Variants in SEMA6B observed in about 807,000 individuals in gnomAD.
The protein encoded by SEMA6B is semaphorin-6B.
Under a neutral mutation model 78.6 loss-of-function variants are expected in SEMA6B, and 47 were observed. The ratio of observed to expected loss-of-function variants is 0.60; its 90% CI spans 0.47 to 0.76. The LOEUF (loss-of-function observed/expected upper bound fraction) is 0.76. Ranked by LOEUF, SEMA6B falls within the 30% of genes least tolerant of loss-of-function variation. SEMA6B has a pLI of 0.00. For missense variants in SEMA6B, 1,213 were observed against 1,269.9 expected (o/e 0.96, Z 0.68); for synonymous variants, 632 against 592.2 (o/e 1.07, Z -0.98).
chr19:4,556,240 G>A (rs1977466785), intron 5 of SEMA6B, 151 bp from the exon 6 acceptor site: 2 of 639,832 alleles, frequency 3.1e-6, no homozygotes, highest in African/African-American at 1.8e-5. Flanking sequence ...TGGGGACACG[G>A]TGCGACCCAG....
At chr19:4,559,489 C>G (rs1012322093) in intron 1 of SEMA6B, 41 bp downstream of exon 1, 1 of 152,172 alleles carries the variant, frequency 6.6e-6, no homozygotes, top group Non-Finnish European at 1.5e-5. Context: ...TCTGAACCCC[C>G]GCCCTCCATG....
intron 16 of SEMA6B, among the ~76,000 whole-genome samples, chr19:4,545,340 C>T (rs868100206): frequency 8.8e-6 from 1 of 113,964 alleles, no homozygotes. Context: ...GACTCTGTCT[C>T]AAAAAAAAAA....
chr19:4,558,338 G>C lies in SEMA6B; in HGVS notation c.120C>G (p.Asp40Glu). ...GCCCAAAGACACCCCCAGACTCACA[G>C]TCCCTGGGGGCCACGCTAAGCGGCG... ...EPPPLSVAPR[D>E]YLNHYPVFVG... Residue 40 changes from aspartate to glutamate, a missense_variant and splice_region_variant, in exon 2 of 17, where the codon GAC becomes GAG. Asp to Glu is a conservative substitution (Grantham distance 45, BLOSUM62 2). Transcript: ENST00000586582. This position sits in a 1 kb window ranked among gnomAD's most constrained non-coding sequence, Gnocchi z 5.1. 5 of 1,315,230 alleles carry C rather than the reference G, an allele frequency of 3.8e-6. No homozygotes were observed. The highest frequency in any genetic ancestry group is 4.9e-6 in the Non-Finnish European group (5 of 1,022,976). The allele number at this position is 1,315,230 out of a possible 1,614,324, so 81.5% of individuals were successfully genotyped here.
chr19:4,555,971 GGAGTCT>G lies in SEMA6B; in HGVS notation c.471+11_471+16del. ...CCTGGAGGTTGGACCTGGGGCGCAG[GGAGTCT>G]GAAGACTCACGCTGTAGTTGGCGCA... On this transcript the variant is annotated intron_variant, in intron 6 of 16. Coordinates refer to ENST00000586582, the MANE Select transcript of SEMA6B (RefSeq NM_032108.4). This position sits in a 1 kb window ranked among gnomAD's most constrained non-coding sequence, Gnocchi z 6.1. The G allele has an allele frequency of 6.3e-7, 1 of 1,594,222 alleles. No individual in the cohort carries two copies. The highest frequency in any genetic ancestry group is 8.6e-7 in the Non-Finnish European group (1 of 1,162,038).
In SEMA6B at chr19:4,558,451, T is replaced by C. The variant is rs1977535441; in HGVS notation, c.7A>G (p.Thr3Ala). 2 of 1,246,460 alleles carry C rather than the reference T, an allele frequency of 1.6e-6. No individual in the cohort carries two copies. The highest frequency in any genetic ancestry group is 1.6e-5 in the African/African-American group (1 of 64,510). The allele number at this position is 1,246,460 out of a possible 1,614,324, so 77.2% of individuals were successfully genotyped here. Reference protein sequence around the residue: MQTPRASPPRPAL... With the variant: MQAPRASPPRPAL... ...GGGCGGGGAGGGGACGCTCGCGGGG[T>C]CTGCATGGCGAGGGCCAGGCGACAG... The change falls in exon 2 of 17, where the codon ACC becomes GCC. Residue 3 changes from threonine to alanine, a missense_variant. Coordinates refer to ENST00000586582, the MANE Select transcript of SEMA6B (RefSeq NM_032108.4). The surrounding 1 kb of genome is among the most constrained non-coding windows in gnomAD (Gnocchi z 5.1).
At position 4,555,551 on chromosome 19, in the gene SEMA6B, T is replaced by G; in HGVS notation, c.485A>C (p.Gln162Pro). ...VCANYSIDTL[Q>P]PVGDNISGMA... Reference sequence around the variant, plus strand: ...ACCGCTGATGTTGTCTCCGACGGGCTGCAGGGTGTCTATCTGCAGGGACCA... The same window carrying G: ...ACCGCTGATGTTGTCTCCGACGGGCGGCAGGGTGTCTATCTGCAGGGACCA... Residue 162 changes from glutamine (Q) to proline (P), a missense_variant, in exon 7 of 17, where the codon CAG becomes CCG. By Grantham distance (76) the Gln-to-Pro change is moderately conservative (BLOSUM62 -1). Transcript: ENST00000586582. This position sits in a 1 kb window ranked among gnomAD's most constrained non-coding sequence, Gnocchi z 6.1. 1 of 1,613,578 alleles carries G rather than the reference T, an allele frequency of 6.2e-7. No individual in the cohort carries two copies. Among genetic ancestry groups the G allele is most frequent in the Non-Finnish European group, 8.5e-7 (1 of 1,179,850 alleles).
chr19:4,550,253 G>A lies in SEMA6B; in HGVS notation c.1141C>T (p.Pro381Ser), dbSNP rs778651609. The A allele has an allele frequency of 3.1e-6, 5 of 1,613,460 alleles. No homozygotes were observed. The highest frequency in any genetic ancestry group is 1.7e-5 in the Admixed American group (1 of 59,992). The change falls in exon 12 of 17, where the codon CCC becomes TCC. Residue 381 changes from proline (P) to serine (S), a missense_variant. By Grantham distance (74) the Pro-to-Ser change is moderately conservative. Transcript: ENST00000586582. This position sits in a 1 kb window ranked among gnomAD's most constrained non-coding sequence, Gnocchi z 6.6. ...PRPRPGCCAA[P>S]GMQYNASSAL... ...CTGGAGGCATTGTACTGCATCCCGG[G>A]GGCTGCGCAGCACCCGGGCCTGGGG...
chr19:4,543,007 T>G lies in SEMA6B; in HGVS notation c.*594A>C. 1 of 693,638 alleles carries G rather than the reference T, an allele frequency of 1.4e-6. No individual in the cohort carries two copies. Among genetic ancestry groups the G allele is most frequent in the Non-Finnish European group, 2.6e-6 (1 of 379,692 alleles). 43.0% of individuals were successfully genotyped at this position (693,638 alleles called of 1,614,324 possible). Reference sequence around the variant, plus strand: ...GCCCAGGCCGCTGGGGCCACCACGATCGTCGCTCGTGGACACACACCCTGC... The same window carrying G: ...GCCCAGGCCGCTGGGGCCACCACGAGCGTCGCTCGTGGACACACACCCTGC... On this transcript the variant is annotated 3_prime_UTR_variant, in exon 17 of 17. Transcript: ENST00000586582.
At position 4,543,746 on chromosome 19, in the gene SEMA6B, G is replaced by C; in HGVS notation, c.2522C>G (p.Ala841Gly). The change falls in exon 17 of 17, where the codon GCC (alanine) becomes GGC (glycine). Residue 841 changes from alanine to glycine, a missense_variant. Coordinates refer to ENST00000586582, the MANE Select transcript of SEMA6B (RefSeq NM_032108.4). ...GAACGTGTGGGTGCGGCGCAGGGTGGCGGCCGGAGGGGCGTGGGGGCCCAG... is the reference window on the plus strand; with the variant it reads ...GAACGTGTGGGTGCGGCGCAGGGTGCCGGCCGGAGGGGCGTGGGGGCCCAG... ...RPLGPHAPPA[A>G]TLRRTHTFNS... is the part of the protein sequence containing the mutation. The C allele has an allele frequency of 8.2e-7, 1 of 1,226,994 alleles. No individual in the cohort carries two copies. The highest frequency in any genetic ancestry group is 3.2e-5 in the East Asian group (1 of 31,376). 76.0% of individuals were successfully genotyped at this position (1,226,994 alleles called of 1,614,324 possible). A position where few individuals can be genotyped will look rare whatever the true frequency, so the allele number is the denominator to read the frequency against.
chr19:4,550,521 G>A lies in SEMA6B; in HGVS notation c.1122-249C>T, dbSNP rs375943050. On this transcript the variant is annotated intron_variant, in intron 11 of 16. Transcript: ENST00000586582. The surrounding 1 kb of genome is among the most constrained non-coding windows in gnomAD (Gnocchi z 6.6). ...TGGGATTACAGGCACGTGCCATCAC[G>A]CCCGGCTAATTTTTGTATTTTTAGT... 1.6e-4 allele frequency among the ~76,000 whole-genome samples: 24 copies of A among 152,118 alleles called. No homozygotes were observed. The East Asian group carries it at 3.3e-3, about 21-fold the overall frequency.
In SEMA6B at chr19:4,544,726, C is replaced by G. The variant is rs1977122521; in HGVS notation, c.1739-197G>C. Among the ~76,000 whole-genome samples the G allele has an allele frequency of 6.6e-6, 1 of 152,098 alleles. No individual in the cohort carries two copies. The highest frequency in any genetic ancestry group is 2.1e-4 in the South Asian group (1 of 4,828). On this transcript the variant is annotated intron_variant, in intron 16 of 16. Transcript: ENST00000586582. This position sits in a 1 kb window ranked among gnomAD's most constrained non-coding sequence, Gnocchi z 5.1. ...TCTCGATTCACTGCAACCTCCGCCT[C>G]CCATGTTCAAGTGATTCTCCTGCCT...
rs948770651 is a variant in SEMA6B, at chr19:4,550,019, C to T, written c.1271+104G>A. 34 of 1,112,514 alleles carry T rather than the reference C, an allele frequency of 3.1e-5. No individual in the cohort carries two copies. The highest frequency in any genetic ancestry group is 8.9e-5 in the South Asian group (6 of 67,766). 68.9% of individuals were successfully genotyped at this position (1,112,514 alleles called of 1,614,324 possible). A position where few individuals can be genotyped will look rare whatever the true frequency, so the allele number is the denominator to read the frequency against. On this transcript the variant is annotated intron_variant, in intron 12 of 16. Coordinates refer to ENST00000586582, the MANE Select transcript of SEMA6B (RefSeq NM_032108.4). This position sits in a 1 kb window ranked among gnomAD's most constrained non-coding sequence, Gnocchi z 6.6. ...TCTGTGTCTCCAGCTCTCTGGGCAG[C>T]GCCGGAAGCCATGGGCTCATCTGTG...
rs559597277 is a variant in SEMA6B, at chr19:4,550,442, C to T, written c.1122-170G>A. On this transcript the variant is annotated intron_variant, in intron 11 of 16. Transcript: ENST00000586582. This position sits in a 1 kb window ranked among gnomAD's most constrained non-coding sequence, Gnocchi z 6.6. Reference sequence around the variant, plus strand: ...CAGGCTGGAGTGCTTTGGCTCACTGCAACCTCCACCTCCTGGGTTCAAGCG... The same window carrying T: ...CAGGCTGGAGTGCTTTGGCTCACTGTAACCTCCACCTCCTGGGTTCAAGCG... Among the ~76,000 whole-genome samples, 40 of 152,052 alleles carry T rather than the reference C, an allele frequency of 2.6e-4. No individual in the cohort carries two copies. The highest frequency in any genetic ancestry group is 1.6e-3 in the Admixed American group (25 of 15,268).
intron 3 of SEMA6B, 31 bp from the exon 4 acceptor site, chr19:4,557,254 G>T (rs747079270): frequency 3.3e-6 from 5 of 1,529,020 alleles, no homozygotes; most frequent in East Asian, 4.5e-5. Context: ...GTGAGAACTG[G>T]GGGCTCCGCC....
At position 4,548,049 on chromosome 19, in the gene SEMA6B, G is replaced by A; in HGVS notation, c.1579C>T (p.Gln527Ter). Residue 527 changes from glutamine to a stop codon, truncating the protein, a stop_gained, in exon 14 of 17, where the codon CAG becomes TAG. Transcript: ENST00000586582. LOFTEE classifies it high-confidence loss of function. Reference protein sequence around the residue: ...CVVRVPVARCQQYSGCMKNCI... With the variant: ...CVVRVPVARC The stretch of plus-strand genomic sequence containing the variant: ...CACTTCATACACCCCGAGTACTGCT[G>A]GCAGCGAGCCACAGGCACTCGGACC... 2 of 1,572,752 alleles carry A rather than the reference G, an allele frequency of 1.3e-6. No individual in the cohort carries two copies. Among genetic ancestry groups the A allele is most frequent in the Non-Finnish European group, 8.6e-7 (1 of 1,163,640 alleles).
chr19:4,548,593 G>C lies in SEMA6B; in HGVS notation c.1272-148C>G, dbSNP rs900847506. ...AAATGCGTGTGTGCATGGATGCCGGGGACATGCGTGACTACACAGGCACGT... is the reference window on the plus strand; with the variant it reads ...AAATGCGTGTGTGCATGGATGCCGGCGACATGCGTGACTACACAGGCACGT... On this transcript the variant is annotated intron_variant, in intron 12 of 16. Transcript: ENST00000586582. 5 of 751,992 alleles carry C rather than the reference G, an allele frequency of 6.6e-6. 1 individual carries two copies. The African/African-American group carries it at 8.7e-5, about 13-fold the overall frequency. The allele number at this position is 751,992 out of a possible 1,614,324, so 46.6% of individuals were successfully genotyped here. A position where few individuals can be genotyped will look rare whatever the true frequency, so the allele number is the denominator to read the frequency against.
intron 10 of SEMA6B, among the ~76,000 whole-genome samples, chr19:4,551,213 C>T (rs960839220): frequency 2.0e-5 from 3 of 150,244 alleles, no homozygotes; most frequent in African/African-American, 2.5e-5. Flanking sequence ...GCCCACTCCC[C>T]AGCAGGCTTT....
intron 5 of SEMA6B, 95 bp downstream of exon 5, chr19:4,556,856 T>C (rs987097137): frequency 1.0e-5 from 10 of 964,430 alleles, no homozygotes; most frequent in African/African-American, 7.0e-5. Context: ...TGGCCAGGGC[T>C]GGCGGGGTGG....
chr19:4,553,044 G>C (rs959786976), intron 9 of SEMA6B, among the ~76,000 whole-genome samples: 1 of 152,230 alleles, frequency 6.6e-6, no homozygotes, highest in African/African-American at 2.4e-5. Flanking sequence ...GCACTGCCTG[G>C]TTGCCTGGAT....
Sources: gnomAD v4.1 joint callset for allele counts (sites outside exome capture counted in the v4.1 genomes callset) on GRCh38, gnomAD v4.1.1 for gene constraint, Gnocchi (gnomAD v3.1) non-coding constraint, MANE v1.5 for transcripts, NCBI Gene and HGNC (gene_info 2026-07-23, HGNC 2026-07-21) for gene names.